Variants in MAL observed in about 807,000 individuals in gnomAD.
MAL encodes the protein mal, T cell differentiation protein (MAL blood group).
A neutral mutation model predicts 16.7 loss-of-function variants in MAL; 5 were observed. The ratio of observed to expected loss-of-function variants is 0.30; its 90% CI spans 0.16 to 0.63. The LOEUF (loss-of-function observed/expected upper bound fraction) is 0.63, where lower values mean the gene tolerates loss of function less well. Ranked by LOEUF, MAL falls within the 30% of genes least tolerant of loss-of-function variation. The pLI is 0.82. For synonymous variants in MAL, 96 were observed against 85.5 expected (o/e 1.12, Z -0.67); for missense variants, 202 against 195.8 (o/e 1.03, Z -0.19).
intron 1 of MAL, among the ~76,000 whole-genome samples, chr2:95,043,339 T>C (rs1048433261): frequency 5.9e-5 from 9 of 152,344 alleles, no homozygotes; most frequent in African/African-American, 2.2e-4. Context: ...TATTCCCAGG[T>C]ATTGGTAGTG....
At position 95,025,838 on chromosome 2, in the gene MAL, T is replaced by G. The variant is rs1020910554; in HGVS notation, c.46T>G (p.Phe16Val). 2 of 1,578,732 alleles carry G rather than the reference T, an allele frequency of 1.3e-6. No individual in the cohort carries two copies. The highest frequency in any genetic ancestry group is 1.7e-6 in the Non-Finnish European group (2 of 1,163,200). ...GGGGGGCAGCACCCTGCCCAGTGGC[T>G]TCTCGGTCTTCACCACCTTGCCCGA... ...ATGGSTLPSG[F>V]SVFTTLPDLL... Residue 16 changes from phenylalanine (F) to valine (V), a missense_variant, in exon 1 of 4, where the codon TTC becomes GTC. Physicochemically the swap from Phe to Val is conservative, Grantham distance 50. Coordinates refer to ENST00000309988, the MANE Select transcript of MAL (RefSeq NM_002371.4). The surrounding 1 kb of genome is among the most constrained non-coding windows in gnomAD (Gnocchi z 5.6).
chr2:95,041,424 G>A (rs1674461199), intron 1 of MAL, among the ~76,000 whole-genome samples: 1 of 152,184 alleles, frequency 6.6e-6, no homozygotes, highest in African/African-American at 2.4e-5. Context: ...AAGTTTTGGA[G>A]TAGATGATTG....
At position 95,044,005 on chromosome 2, in the gene MAL, G is replaced by A. The variant is rs1469765454; in HGVS notation, c.94-3954G>A. On this transcript the variant is annotated intron_variant, in intron 1 of 3. Coordinates refer to ENST00000309988, the MANE Select transcript of MAL (RefSeq NM_002371.4). ...GTTCCTCAGAGGCTTCTGGGTTGGA[G>A]GCTCCAGGGACATGAGACACACTCA... Among the ~76,000 whole-genome samples, 4 of 152,328 alleles carry A rather than the reference G, an allele frequency of 2.6e-5. No homozygotes were observed. In the East Asian group the frequency reaches 5.8e-4, roughly 22 times the overall value.
At chr2:95,043,359 G>C (rs1674514795) in intron 1 of MAL, among the ~76,000 whole-genome samples, 1 of 152,248 alleles carries the variant, frequency 6.6e-6, no homozygotes, top group South Asian at 2.1e-4. Flanking sequence ...GCTGGGCTCA[G>C]TGCCAGAAGC....
intron 1 of MAL, among the ~76,000 whole-genome samples, chr2:95,034,212 G>A (rs1428778480): frequency 6.6e-6 from 1 of 152,160 alleles, no homozygotes; most frequent in Non-Finnish European, 1.5e-5. Flanking sequence ...GTCCTGCACA[G>A]ACACCACCTT....
chr2:95,038,032 CTGAG>C (rs532709936), intron 1 of MAL, among the ~76,000 whole-genome samples: 39 of 121,204 alleles, frequency 3.2e-4, no homozygotes, highest in East Asian at 7.8e-4. Flanking sequence ...GTGTGAGTGA[CTGAG>C]TGAGTGAGTG....
chr2:95,046,606 C>T (rs1439387409), intron 1 of MAL, among the ~76,000 whole-genome samples: 2 of 152,118 alleles, frequency 1.3e-5, no homozygotes, highest in African/African-American at 4.8e-5. Context: ...CCCATGTCTG[C>T]TCCTCTTTGA....
intron 3 of MAL, chr2:95,053,062 T>C (rs1194635166): frequency 2.9e-5 from 8 of 274,820 alleles, no homozygotes; most frequent in Non-Finnish European, 5.4e-5. Context: ...ATGCTTTCAT[T>C]GGAGGGGTCT....
chr2:95,049,750 G>A lies in MAL; in HGVS notation c.387+44G>A, dbSNP rs776162591. The A allele has an allele frequency of 2.0e-5, 33 of 1,610,096 alleles. 1 individual carries two copies. The highest frequency in any genetic ancestry group is 1.9e-4 in the South Asian group (17 of 90,564). On this transcript the variant is annotated intron_variant, in intron 3 of 3. Coordinates refer to ENST00000309988, the MANE Select transcript of MAL (RefSeq NM_002371.4). ...GGCTGTGTCCACAGCGGGCGGCTCCGTGGCTGGCAGGGTGTGTGTGGAGGC... is the reference window on the plus strand; with the variant it reads ...GGCTGTGTCCACAGCGGGCGGCTCCATGGCTGGCAGGGTGTGTGTGGAGGC...
chr2:95,036,689 C>CTGAG (rs1229399820), intron 1 of MAL, among the ~76,000 whole-genome samples: 10 of 151,642 alleles, frequency 6.6e-5, no homozygotes, highest in African/African-American at 2.2e-4. Context: ...AACTGAGTGA[C>CTGAG]TGAGTGAGTG....
At chr2:95,049,830 T>C (rs1674679004) in intron 3 of MAL, 124 bp downstream of exon 3, 1 of 1,377,228 alleles carries the variant, frequency 7.3e-7, no homozygotes, top group East Asian at 2.4e-5. Flanking sequence ...AGGTCAAACC[T>C]TGCCTTCATG....
At chr2:95,030,588 A>G (rs1316211576) in intron 1 of MAL, among the ~76,000 whole-genome samples, 2 of 152,052 alleles carry the variant, frequency 1.3e-5, no homozygotes, top group Admixed American at 6.6e-5. Flanking sequence ...GAGACCCCCT[A>G]CCCATTCAGG....
chr2:95,049,542 C>T, intron 2 of MAL, 39 bp from the exon 3 acceptor site: 2 of 1,611,878 alleles, frequency 1.2e-6, no homozygotes, highest in Middle Eastern at 3.3e-4. Flanking sequence ...GGCCCCGTCT[C>T]TCTCTCCCCA....
intron 1 of MAL, among the ~76,000 whole-genome samples, chr2:95,046,110 C>T (rs2104356291): frequency 6.6e-6 from 1 of 152,330 alleles, no homozygotes; most frequent in South Asian, 2.1e-4. Flanking sequence ...ATGCAATTCT[C>T]TCCTGATTGC....
chr2:95,053,634 C>A lies in MAL; in HGVS notation c.*179C>A. Reference sequence around the variant, plus strand: ...GCTCGTGGGTGCTGTGTTTACTCTCCCGTGTGCCTTCGCGTCCGGGTTGGG... The same window carrying A: ...GCTCGTGGGTGCTGTGTTTACTCTCACGTGTGCCTTCGCGTCCGGGTTGGG... On this transcript the variant is annotated 3_prime_UTR_variant, in exon 4 of 4. Coordinates refer to ENST00000309988, the MANE Select transcript of MAL (RefSeq NM_002371.4). The A allele has an allele frequency of 1.7e-6, 1 of 600,770 alleles. No homozygotes were observed. The highest frequency in any genetic ancestry group is 2.9e-6 in the Non-Finnish European group (1 of 340,344). 37.2% of individuals were successfully genotyped at this position (600,770 alleles called of 1,614,324 possible). A position where few individuals can be genotyped will look rare whatever the true frequency, so the allele number is the denominator to read the frequency against.
At chr2:95,043,420 G>A (rs188706889) in intron 1 of MAL, among the ~76,000 whole-genome samples, 1 of 152,342 alleles carries the variant, frequency 6.6e-6, no homozygotes, top group East Asian at 1.9e-4. Flanking sequence ...CCCCAGTGTG[G>A]GGAGACTGCT....
At chr2:95,043,822 A>C (rs1268797852) in intron 1 of MAL, among the ~76,000 whole-genome samples, 1 of 152,202 alleles carries the variant, frequency 6.6e-6, no homozygotes, top group African/African-American at 2.4e-5. Flanking sequence ...TCTCCTGGGC[A>C]GTGCTGAGCG....
intron 1 of MAL, among the ~76,000 whole-genome samples, chr2:95,039,160 A>G (rs1211840193): frequency 0.031 from 863 of 28,026 alleles, no homozygotes; most frequent in Middle Eastern, 0.1. Context: ...GAGTGACTGA[A>G]TGGGTGAGTG....
intron 1 of MAL, among the ~76,000 whole-genome samples, chr2:95,043,376 C>G (rs909713592): frequency 2.6e-5 from 4 of 152,264 alleles, no homozygotes; most frequent in Non-Finnish European, 5.9e-5. Flanking sequence ...AAGCTTCATA[C>G]TCACATCTGT....
Sources: gnomAD v4.1 joint callset for allele counts (sites outside exome capture counted in the v4.1 genomes callset) on GRCh38, gnomAD v4.1.1 for gene constraint, Gnocchi (gnomAD v3.1) non-coding constraint, MANE v1.5 for transcripts, NCBI Gene and HGNC (gene_info 2026-07-23, HGNC 2026-07-21) for gene names.